SPATA7: variants seen among roughly 807,000 people sequenced by gnomAD.
SPATA7 encodes spermatogenesis associated 7.
SPATA7 carries 43 observed loss-of-function variants against 51.8 expected under a neutral mutation model. That is an observed-to-expected ratio of 0.83 (90% CI 0.65 to 1.07). The LOEUF is 1.07. Ranked by LOEUF, SPATA7 falls within the 50% of genes least tolerant of loss-of-function variation. The pLI is 0.00. For synonymous variants in SPATA7, 230 were observed against 252.8 expected, an observed-to-expected ratio of 0.91 and a Z score of 0.86; for missense variants, 683 against 701.3, an observed-to-expected ratio of 0.97 and a Z score of 0.30.
downstream of SPATA7, among the ~76,000 whole-genome samples, chr14:88,441,115 A>G (rs907747176): frequency 6.6e-6 from 1 of 152,118 alleles, no homozygotes; most frequent in Non-Finnish European, 1.5e-5. Context: ...ACTTAGAATA[A>G]TGGTCTCCAA....
chr14:88,451,618 C>G (rs927406800), intron 3 of SPATA7, among the ~76,000 whole-genome samples: 1 of 151,804 alleles, frequency 6.6e-6, no homozygotes, highest in Non-Finnish European at 1.5e-5. Flanking sequence ...CCTCTGCCTC[C>G]CTAGGTTCAA....
chr14:88,449,304 A>T (rs2140046918), intron 3 of SPATA7, among the ~76,000 whole-genome samples: 1 of 152,222 alleles, frequency 6.6e-6, no homozygotes, highest in African/African-American at 2.4e-5. Context: ...AGAATTTTTT[A>T]ATTTCCATCT....
downstream of SPATA7, among the ~76,000 whole-genome samples, chr14:88,459,292 T>C (rs1439031867): frequency 6.6e-6 from 1 of 152,202 alleles, no homozygotes; most frequent in Non-Finnish European, 1.5e-5. Context: ...ACTTTCTGTC[T>C]CGTTTATCTG....
intron 5 of SPATA7, among the ~76,000 whole-genome samples, chr14:88,417,997 A>G (rs2139966793): frequency 6.6e-6 from 1 of 152,324 alleles, no homozygotes; most frequent in East Asian, 1.9e-4. Flanking sequence ...TCATTATAGA[A>G]TGATTTCAAT....
At chr14:88,463,095 C>A (rs1455202575) in intron 4 of SPATA7, among the ~76,000 whole-genome samples, 1 of 151,902 alleles carries the variant, frequency 6.6e-6, no homozygotes, top group Non-Finnish European at 1.5e-5. Flanking sequence ...CTAGGGATAC[C>A]CTCTATATAA....
chr14:88,469,790 A>T lies in SPATA7; in HGVS notation c.255-57A>T. 6.3e-7 allele frequency: 1 copy of T among 1,598,452 alleles called. No individual in the cohort carries two copies. The highest frequency in any genetic ancestry group is 8.6e-7 in the Non-Finnish European group (1 of 1,165,868). ...AGATCCGGCAATGGATGCCTTTCTC[A>T]CATAGACGGCACATCTGAAACAGAA... On this transcript the variant is annotated intron_variant, in intron 4 of 4. Transcript: ENST00000556406. This position sits in a 1 kb window ranked among gnomAD's most constrained non-coding sequence, Gnocchi z 4.3.
intron 4 of SPATA7, chr14:88,468,296 T>C (rs370025019): frequency 3.2e-6 from 5 of 1,568,416 alleles, no homozygotes; most frequent in African/African-American, 2.7e-5. Context: ...ATGAAGATAA[T>C]GTGTTCCCCT....
At chr14:88,439,557 TA>T (rs2077163279), downstream of SPATA7, among the ~76,000 whole-genome samples, 1 of 152,190 alleles carries the variant, frequency 6.6e-6, no homozygotes, top group Admixed American at 6.5e-5. Flanking sequence ...ATTTTATATT[TA>T]AAAAAATACA....
chr14:88,391,643 T>C, intron 2 of SPATA7, 188 bp downstream of exon 2: 1 of 655,300 alleles, frequency 1.5e-6, no homozygotes, highest in Non-Finnish European at 2.8e-6. Context: ...TTTCAAACTA[T>C]TATTGTGCCC....
At chr14:88,399,603 A>G (rs905050894) in intron 4 of SPATA7, among the ~76,000 whole-genome samples, 1 of 152,058 alleles carries the variant, frequency 6.6e-6, no homozygotes, top group African/African-American at 2.4e-5. Context: ...TTTCTTCTGT[A>G]TCATATTAGT....
At chr14:88,399,446 C>T in intron 4 of SPATA7, among the ~76,000 whole-genome samples, 1 of 152,164 alleles carries the variant, frequency 6.6e-6, no homozygotes, top group East Asian at 1.9e-4. Context: ...CTTCTTAGTA[C>T]ATATTTTTAA....
chr14:88,446,776 C>T (rs992263130), intron 3 of SPATA7, among the ~76,000 whole-genome samples: 42 of 152,192 alleles, frequency 2.8e-4, no homozygotes, highest in Non-Finnish European at 4.7e-4. Flanking sequence ...TGTTCAGTTT[C>T]CATGTAGTTG....
intron 4 of SPATA7, among the ~76,000 whole-genome samples, chr14:88,465,355 T>TACTC (rs1411298894): frequency 6.6e-6 from 1 of 152,052 alleles, no homozygotes; most frequent in Non-Finnish European, 1.5e-5. Flanking sequence ...TAATCCCAGC[T>TACTC]ACTCAGGAGG....
downstream of SPATA7, among the ~76,000 whole-genome samples, chr14:88,456,825 C>T (rs1004453823): frequency 6.6e-6 from 1 of 152,144 alleles, no homozygotes; most frequent in African/African-American, 2.4e-5. Context: ...AAGGTATTGC[C>T]TAGGTTTTCT....
At chr14:88,411,579 C>T (rs914501622) in intron 4 of SPATA7, among the ~76,000 whole-genome samples, 1 of 151,866 alleles carries the variant, frequency 6.6e-6, no homozygotes, top group Non-Finnish European at 1.5e-5. Flanking sequence ...GAGTGCACAC[C>T]GTTCCTCACA....
chr14:88,447,098 A>C (rs1036643728), intron 3 of SPATA7, among the ~76,000 whole-genome samples: 4 of 150,696 alleles, frequency 2.7e-5, no homozygotes, highest in African/African-American at 4.9e-5. Flanking sequence ...AAAGTCTCCC[A>C]TTATTAATGT....
chr14:88,411,850 T>TG (rs200237272), intron 4 of SPATA7, among the ~76,000 whole-genome samples: 39 of 151,940 alleles, frequency 2.6e-4, no homozygotes, highest in African/African-American at 3.9e-4. Flanking sequence ...AATGATTTTT[T>TG]GGGGGGGGTT....
chr14:88,390,728 A>G (rs1490475439), intron 1 of SPATA7, among the ~76,000 whole-genome samples: 3 of 152,202 alleles, frequency 2.0e-5, no homozygotes, highest in Non-Finnish European at 4.4e-5. Flanking sequence ...TGGACAAGAA[A>G]AAAGTCACAG....
chr14:88,407,514 G>T (rs1025695242), intron 4 of SPATA7, among the ~76,000 whole-genome samples: 19 of 152,136 alleles, frequency 1.2e-4, no homozygotes, highest in African/African-American at 3.4e-4. Flanking sequence ...TTAGCCCTTT[G>T]TCAGATGGAT....
Sources: gnomAD v4.1 joint callset for allele counts (sites outside exome capture counted in the v4.1 genomes callset) on GRCh38, gnomAD v4.1.1 for gene constraint, Gnocchi (gnomAD v3.1) non-coding constraint, MANE v1.5 for transcripts, NCBI Gene and HGNC (gene_info 2026-07-23, HGNC 2026-07-21) for gene names.